The following ADAMTS16 variants were observed in gnomAD, a reference collection of about 807,000 sequenced individuals.
ADAMTS16 encodes ADAM metallopeptidase with thrombospondin type 1 motif 16, also known as A disintegrin and metalloproteinase with thrombospondin motifs 16.
In ADAMTS16, 94 loss-of-function variants were observed where a neutral mutation model predicts 145.8. That is an observed-to-expected ratio of 0.64 (90% CI 0.55 to 0.77). ADAMTS16 has a LOEUF of 0.77. Among genes scored for constraint, ADAMTS16 ranks in the 30% least tolerant of loss-of-function variants. The pLI is 0.00. For synonymous variants in ADAMTS16, 659 were observed against 604.3 expected (o/e 1.09, Z -1.33); for missense variants, 1,585 against 1,591.5 (o/e 1.00, Z 0.07).
Position 5,200,137 on chromosome 5 carries a change from G to T in ADAMTS16, c.1319G>T (p.Gly440Val), listed in dbSNP as rs1363915515. ...TIAHESGHNF[G>V]MIHDGEGNMC... is the part of the protein sequence containing the mutation. Reference sequence around the variant, plus strand: ...TCTCTCTCTCTCTCTCATAGCTTTGGCATGATTCATGATGGAGAAGGGAAC... The same window carrying T: ...TCTCTCTCTCTCTCTCATAGCTTTGTCATGATTCATGATGGAGAAGGGAAC... Residue 440 changes from glycine to valine, a missense_variant, in exon 9 of 23, where the codon GGC (glycine) becomes GTC (valine). By Grantham distance (109) the Gly-to-Val change is moderately radical. Transcript: ENST00000274181. The T allele has an allele frequency of 6.2e-7, 1 of 1,606,802 alleles. No individual in the cohort carries two copies. Among genetic ancestry groups the T allele is most frequent in the Non-Finnish European group, 8.5e-7 (1 of 1,176,442 alleles).
chr5:5,258,735 C>T (rs1234891261), intron 17 of ADAMTS16, among the ~76,000 whole-genome samples: 1 of 151,998 alleles, frequency 6.6e-6, no homozygotes, highest in Non-Finnish European at 1.5e-5. Context: ...CATCACAGGC[C>T]TAGAAGGGCA....
At chr5:5,147,259 T>C (rs1267377138) in intron 3 of ADAMTS16, among the ~76,000 whole-genome samples, 2 of 152,176 alleles carry the variant, frequency 1.3e-5, no homozygotes, top group African/African-American at 4.8e-5. Context: ...AAGTGTGACT[T>C]AGACAGCAGA....
chr5:5,290,475 TA>T (rs1401840543), intron 18 of ADAMTS16, among the ~76,000 whole-genome samples: 3 of 152,200 alleles, frequency 2.0e-5, no homozygotes, highest in African/African-American at 7.2e-5. Context: ...ACCAACATGG[TA>T]AAACCCTGTC....
chr5:5,200,386 AAGGTGTCTTGAGACATTCAGTTGACCG>A, intron 9 of ADAMTS16, 117 bp downstream of exon 9: 3 of 1,359,618 alleles, frequency 2.2e-6, no homozygotes, highest in Non-Finnish European at 3.0e-6. Context: ...GTTCCCTTTG[AAGGTGTCTTGAGACATTCAGTTGACCG>A]AAGAGTTTGC....
intron 17 of ADAMTS16, among the ~76,000 whole-genome samples, chr5:5,258,722 C>T (rs150774082): frequency 7.8e-4 from 119 of 152,236 alleles, no homozygotes; most frequent in African/African-American, 2.7e-3. Context: ...GGCAGGGTCA[C>T]AGCATCACAG....
chr5:5,260,663 C>G (rs1380652318), intron 17 of ADAMTS16, among the ~76,000 whole-genome samples: 1 of 152,286 alleles, frequency 6.6e-6, no homozygotes, highest in African/African-American at 2.4e-5. Context: ...GACAGTGGCT[C>G]CTGCTTTGGA....
At chr5:5,232,602 T>C (rs1375260926) in intron 12 of ADAMTS16, 86 bp downstream of exon 12, 117 of 89,324 alleles carry the variant, frequency 1.3e-3, no homozygotes, top group Admixed American at 0.012. Flanking sequence ...TCTCAGCTCT[T>C]TTTTTTTTTT....
chr5:5,277,401 C>A (rs962511692), intron 18 of ADAMTS16, among the ~76,000 whole-genome samples: 2 of 152,188 alleles, frequency 1.3e-5, no homozygotes, highest in African/African-American at 4.8e-5. Flanking sequence ...ATAGGGCCAA[C>A]GTGCTAGAGA....
intron 18 of ADAMTS16, among the ~76,000 whole-genome samples, chr5:5,266,248 G>A (rs2126440839): frequency 6.6e-6 from 1 of 152,234 alleles, no homozygotes; most frequent in South Asian, 2.1e-4. Context: ...CCCCAACACA[G>A]GAACAAGCTA....
In ADAMTS16 at chr5:5,222,782, T is replaced by C. The variant is rs989542010; in HGVS notation, c.1606-7T>C. On this transcript the variant is annotated splice_polypyrimidine_tract_variant and splice_region_variant and intron_variant, in intron 10 of 22. Coordinates refer to ENST00000274181, the MANE Select transcript of ADAMTS16 (RefSeq NM_139056.4). ...AATCCTAATGACCTTTTACAAAATT[T>C]CTTTAGGACATCTGTAAAGCCCTGT... 4 of 1,613,146 alleles carry C rather than the reference T, an allele frequency of 2.5e-6. No individual in the cohort carries two copies. Among genetic ancestry groups the C allele is most frequent in the Non-Finnish European group, 3.4e-6 (4 of 1,179,162 alleles).
intron 18 of ADAMTS16, among the ~76,000 whole-genome samples, chr5:5,283,456 C>T (rs1421358901): frequency 6.6e-6 from 1 of 152,012 alleles, no homozygotes; most frequent in Non-Finnish European, 1.5e-5. Flanking sequence ...AGGAAGAGAC[C>T]CATGCCCCTC....
At chr5:5,315,827 T>C (rs1561008138) in intron 21 of ADAMTS16, among the ~76,000 whole-genome samples, 2 of 152,228 alleles carry the variant, frequency 1.3e-5, no homozygotes, top group Admixed American at 6.5e-5. Flanking sequence ...CACATTATTT[T>C]TTCTACTTTC....
chr5:5,319,086 A>G lies in ADAMTS16; in HGVS notation c.3623A>G (p.His1208Arg). The G allele has an allele frequency of 6.2e-7, 1 of 1,613,556 alleles. No individual in the cohort carries two copies. Among genetic ancestry groups the G allele is most frequent in the Non-Finnish European group, 8.5e-7 (1 of 1,179,876 alleles). Residue 1208 changes from histidine (H) to arginine (R), a missense_variant, in exon 23 of 23, where the codon CAC becomes CGC. His to Arg is a conservative substitution (Grantham distance 29, BLOSUM62 0). Transcript: ENST00000274181. ...GTACCCCAGCACGGGATGTGCAGCC[A>G]CAAGTTCTACGGCAAGCAGTGCTGC... The part of the protein sequence containing the change: ...YLVPQHGMCS[H>R]KFYGKQCCKT...
chr5:5,241,044 C>T (rs1737273621), intron 16 of ADAMTS16, among the ~76,000 whole-genome samples: 1 of 152,066 alleles, frequency 6.6e-6, no homozygotes, highest in South Asian at 2.1e-4. Flanking sequence ...AATGGCCTTG[C>T]AGTGCAACCC....
At chr5:5,242,022 G>C in intron 16 of ADAMTS16, 31 bp from the exon 17 acceptor site, 1 of 1,612,580 alleles carries the variant, frequency 6.2e-7, no homozygotes, top group Non-Finnish European at 8.5e-7. Flanking sequence ...GCATTAATTT[G>C]TTTTATTTTT....
chr5:5,183,560 C>T (rs1735403313), intron 4 of ADAMTS16, among the ~76,000 whole-genome samples: 1 of 152,168 alleles, frequency 6.6e-6, no homozygotes, highest in Non-Finnish European at 1.5e-5. Flanking sequence ...TTTGACAGAC[C>T]ACACACCAAG....
chr5:5,275,990 CT>C (rs1192506946), intron 18 of ADAMTS16, among the ~76,000 whole-genome samples: 1 of 152,060 alleles, frequency 6.6e-6, no homozygotes. Context: ...TCCCGAGTAG[CT>C]GGGATTACAG....
At chr5:5,285,159 A>G (rs1331128041) in intron 18 of ADAMTS16, among the ~76,000 whole-genome samples, 1 of 152,244 alleles carries the variant, frequency 6.6e-6, no homozygotes, top group Non-Finnish European at 1.5e-5. Context: ...TTTTAAAAAA[A>G]ATAAAGCTAT....
intron 9 of ADAMTS16, among the ~76,000 whole-genome samples, chr5:5,201,073 G>A (rs879628591): frequency 2.0e-5 from 3 of 152,208 alleles, no homozygotes; most frequent in Non-Finnish European, 2.9e-5. Context: ...GAATTGGAAA[G>A]TCTCTGCTCC....
Sources: allele counts gnomAD v4.1 joint callset (sites outside exome capture counted in the v4.1 genomes callset), GRCh38; gene constraint gnomAD v4.1.1; transcripts MANE v1.5; gene names NCBI Gene and HGNC (gene_info 2026-07-23, HGNC 2026-07-21).